Variants in EIPR1 observed in about 807,000 individuals in gnomAD.
EIPR1 encodes the protein EARP complex and GARP complex interacting protein 1.
In EIPR1, 25 loss-of-function variants were observed where a neutral mutation model predicts 48.1. The ratio of observed to expected loss-of-function variants is 0.52; its 90% CI spans 0.38 to 0.73. The LOEUF is 0.73. Ranked by LOEUF, EIPR1 falls within the 30% of genes least tolerant of loss-of-function variation. The probability of loss-of-function intolerance (pLI) is 0.00; values close to 1 mark genes in which losing one functional copy is unlikely to be tolerated. For synonymous variants in EIPR1, 204 were observed against 201.9 expected (o/e 1.01, Z -0.09); for missense variants, 415 against 506.2 (o/e 0.82, Z 1.73).
chr2:3,362,932 T>C (rs1005429968), intron 1 of EIPR1, among the ~76,000 whole-genome samples: 1 of 151,972 alleles, frequency 6.6e-6, no homozygotes, highest in Non-Finnish European at 1.5e-5. Context: ...CCCATACACA[T>C]GGTAGGAAGG....
At chr2:3,274,751 G>A (rs1667798746) in intron 3 of EIPR1, among the ~76,000 whole-genome samples, 1 of 151,648 alleles carries the variant, frequency 6.6e-6, no homozygotes, top group South Asian at 2.1e-4. Flanking sequence ...AATACCCAAA[G>A]GTAAAATTAA....
intron 4 of EIPR1, among the ~76,000 whole-genome samples, chr2:3,219,159 G>C (rs868427835): frequency 0.014 from 979 of 69,520 alleles, no homozygotes; most frequent in Middle Eastern, 0.049. Flanking sequence ...GAGTCAGGTG[G>C]ACACCCAACA....
intron 3 of EIPR1, among the ~76,000 whole-genome samples, chr2:3,268,689 A>C (rs1667571031): frequency 6.6e-6 from 1 of 152,190 alleles, no homozygotes; most frequent in Non-Finnish European, 1.5e-5. Flanking sequence ...AGCGCGCGCA[A>C]GGGGCCTGTT....
intron 4 of EIPR1, among the ~76,000 whole-genome samples, chr2:3,238,089 G>A (rs1317985708): frequency 6.6e-6 from 1 of 152,104 alleles, no homozygotes; most frequent in African/African-American, 2.4e-5. Context: ...AATTTGGCTG[G>A]ACACTGAAAT....
intron 5 of EIPR1, chr2:3,208,576 T>C (rs1436387976): frequency 2.6e-6 from 4 of 1,550,518 alleles, no homozygotes; most frequent in Non-Finnish European, 3.5e-6. Context: ...AAAGTCCTTA[T>C]TACCCTCTCC....
chr2:3,189,483 C>G lies in EIPR1; in HGVS notation c.1015G>C (p.Val339Leu), dbSNP rs750102975. The G allele has an allele frequency of 1.3e-6, 2 of 1,567,774 alleles. No individual in the cohort carries two copies. Among genetic ancestry groups the G allele is most frequent in the South Asian group, 1.2e-5 (1 of 86,648 alleles). ...TCGTGCTCCTCGTAGGTGGCGATCA[C>G]GTTGTCCTGCAGGGGCTCCTTGCTC... Reference protein sequence around the residue: ...EKSKEPLQDNVIATYEEHEDS... With the variant: ...EKSKEPLQDNLIATYEEHEDS... The change falls in exon 9 of 9, where the codon GTG becomes CTG. Residue 339 changes from valine (V) to leucine (L), a missense_variant. Coordinates refer to ENST00000382125, the MANE Select transcript of EIPR1 (RefSeq NM_003310.5). The surrounding 1 kb of genome is among the most constrained non-coding windows in gnomAD (Gnocchi z 4.6).
At chr2:3,193,877 G>A in intron 7 of EIPR1, 122 bp downstream of exon 7, 1 of 1,040,176 alleles carries the variant, frequency 9.6e-7, no homozygotes, top group Non-Finnish European at 1.4e-6. Flanking sequence ...ATAAAACTGG[G>A]TTGATTGAAT....
intron 2 of EIPR1, among the ~76,000 whole-genome samples, chr2:3,344,412 C>T (rs1047842989): frequency 6.6e-6 from 1 of 152,192 alleles, no homozygotes; most frequent in Non-Finnish European, 1.5e-5. Flanking sequence ...CTACTCTAGT[C>T]GGCTTCACGC....
intron 5 of EIPR1, among the ~76,000 whole-genome samples, chr2:3,213,173 TTGAC>T (rs1223195507): frequency 6.6e-6 from 1 of 152,238 alleles, no homozygotes; most frequent in Non-Finnish European, 1.5e-5. Flanking sequence ...CGCAATCGCT[TTGAC>T]TGTGTGCCGG....
chr2:3,317,930 G>T (rs1339601471), intron 3 of EIPR1, among the ~76,000 whole-genome samples: 1 of 152,220 alleles, frequency 6.6e-6, no homozygotes, highest in African/African-American at 2.4e-5. Context: ...AACTTCTGTT[G>T]CCTGGGCCAC....
At chr2:3,354,838 T>A (rs1044466474) in intron 1 of EIPR1, among the ~76,000 whole-genome samples, 3 of 152,250 alleles carry the variant, frequency 2.0e-5, no homozygotes, top group African/African-American at 7.2e-5. Flanking sequence ...CAAATTTGCA[T>A]ATGGAAATCA....
intron 1 of EIPR1, among the ~76,000 whole-genome samples, chr2:3,368,717 C>A (rs1402242844): frequency 1.3e-5 from 2 of 152,152 alleles, no homozygotes; most frequent in Non-Finnish European, 2.9e-5. Context: ...TGTTAACTGA[C>A]AAGTATTCAT....
chr2:3,341,095 C>CAAAA (rs55667121), intron 2 of EIPR1, among the ~76,000 whole-genome samples: 96 of 22,124 alleles, frequency 4.3e-3, no homozygotes, highest in South Asian at 5.6e-3. Flanking sequence ...GATCCTGTCT[C>CAAAA]AAAAAAAAAA....
At chr2:3,363,822 C>G (rs993420953) in intron 1 of EIPR1, among the ~76,000 whole-genome samples, 2 of 141,238 alleles carry the variant, frequency 1.4e-5, no homozygotes, top group Non-Finnish European at 3.1e-5. Context: ...AAAAAAACAC[C>G]AAAATAAATC....
At chr2:3,317,257 G>GC (rs1669337163) in intron 3 of EIPR1, among the ~76,000 whole-genome samples, 1 of 150,822 alleles carries the variant, frequency 6.6e-6, no homozygotes, top group Non-Finnish European at 1.5e-5. Flanking sequence ...CCTACTGTGC[G>GC]CCTTGCATGC....
intron 3 of EIPR1, among the ~76,000 whole-genome samples, chr2:3,329,927 G>A (rs959056972): frequency 1.6e-4 from 23 of 145,728 alleles, no homozygotes; most frequent in African/African-American, 5.7e-4. Context: ...AATGATCTCA[G>A]GGTACTAGCC....
At position 3,189,450 on chromosome 2, in the gene EIPR1, C is replaced by A; in HGVS notation, c.1048G>T (p.Val350Phe). ...IATYEEHEDS[V>F]YAVDWSSADP... ...GCCGAGGACCAGTCCACGGCATAGA[C>A]GCTGTCCTCGTGCTCCTCGTAGGTG... The change falls in exon 9 of 9, where the codon GTC becomes TTC. Residue 350 changes from valine (V) to phenylalanine (F), a missense_variant. Val to Phe is a conservative substitution (Grantham distance 50). Transcript: ENST00000382125. The surrounding 1 kb of genome is among the most constrained non-coding windows in gnomAD (Gnocchi z 4.6). 1 of 1,583,922 alleles carries A rather than the reference C, an allele frequency of 6.3e-7. No homozygotes were observed. Among genetic ancestry groups the A allele is most frequent in the East Asian group, 2.3e-5 (1 of 44,000 alleles).
At chr2:3,295,002 C>A (rs1420887966) in intron 3 of EIPR1, among the ~76,000 whole-genome samples, 20 of 102,950 alleles carry the variant, frequency 1.9e-4, no homozygotes, top group Non-Finnish European at 3.0e-4. Context: ...CACACACACA[C>A]CCTCCATCCA....
intron 3 of EIPR1, among the ~76,000 whole-genome samples, chr2:3,317,652 T>C (rs4854135): frequency 0.18 from 27,357 of 152,236 alleles, 2,569 homozygotes; most frequent in Non-Finnish European, 0.21. Context: ...TTCCCCCGCC[T>C]AATTCATACA....
Sources: allele counts gnomAD v4.1 joint callset (sites outside exome capture counted in the v4.1 genomes callset), GRCh38; gene constraint gnomAD v4.1.1; non-coding constraint Gnocchi (gnomAD v3.1); transcripts MANE v1.5; gene names NCBI Gene and HGNC (gene_info 2026-07-23, HGNC 2026-07-21).